The following TRAP1 variants were observed in gnomAD, a reference collection of about 807,000 sequenced individuals.
TRAP1 encodes TNF receptor associated protein 1.
In TRAP1, 102 loss-of-function variants were observed where a neutral mutation model predicts 89.1. The ratio of observed to expected loss-of-function variants is 1.15; its 90% CI spans 0.98 to 1.35. The LOEUF is 1.35. Among genes scored for constraint, TRAP1 ranks in the 40% most tolerant of loss-of-function variants. The pLI is 0.00. For synonymous variants in TRAP1, 508 were observed against 388.0 expected, an observed-to-expected ratio of 1.31 and a Z score of -3.64; for missense variants, 1,256 against 945.3, an observed-to-expected ratio of 1.33 and a Z score of -4.31.
intron 5 of TRAP1, among the ~76,000 whole-genome samples, chr16:3,679,310 G>C (rs558516619): frequency 6.6e-5 from 10 of 150,848 alleles, no homozygotes; most frequent in African/African-American, 2.4e-4. Context: ...AAAATACTCA[G>C]AAAAAAAATA....
At position 3,677,647 on chromosome 16, in the gene TRAP1, A is replaced by C. The variant is rs142209847; in HGVS notation, c.555T>G (p.Asp185Glu). 43 of 1,613,714 alleles carry C rather than the reference A, an allele frequency of 2.7e-5. No individual in the cohort carries two copies. The African/African-American group carries it at 5.5e-4, about 21-fold the overall frequency. The change falls in exon 6 of 18, where the codon GAT (aspartate) becomes GAG (glutamate). Residue 185 changes from aspartate to glutamate, a missense_variant. Transcript: ENST00000246957. ...TGGCCTCAGCCTGGTTCTGCAGAGCATCCAGGAAGGCCTGTGGGGCAGAGG... is the reference window on the plus strand; with the variant it reads ...TGGCCTCAGCCTGGTTCTGCAGAGCCTCCAGGAAGGCCTGTGGGGCAGAGG... Reference protein sequence around the residue: ...IARSGSKAFLDALQNQAEASS... With the variant: ...IARSGSKAFLEALQNQAEASS...
chr16:3,708,624 G>A (rs1006150253), intron 1 of TRAP1, among the ~76,000 whole-genome samples: 230 of 149,972 alleles, frequency 1.5e-3, no homozygotes, highest in African/African-American at 5.3e-3. Flanking sequence ...GCGACGGAGC[G>A]AGACTCCATC....
intron 3 of TRAP1, chr16:3,686,949 C>CAG (rs993607168): frequency 2.6e-5 from 4 of 152,228 alleles, no homozygotes; most frequent in African/African-American, 9.7e-5. Flanking sequence ...CCAGCCCCGA[C>CAG]AGAGAGAGAC....
rs1001287873 is a variant in TRAP1, at chr16:3,706,551, C to G, written c.88+10870G>C. ...CACAGCTCAATGTAGCCTCAAACTC[C>G]TGGGCTCGAGCAATTCTCCCACCTC... On this transcript the variant is annotated intron_variant, in intron 1 of 17. Coordinates refer to ENST00000246957, the MANE Select transcript of TRAP1 (RefSeq NM_016292.3). 3.3e-5 allele frequency among the ~76,000 whole-genome samples: 5 copies of G among 150,724 alleles called. No homozygotes were observed. In the Admixed American group the frequency reaches 3.3e-4, roughly 10 times the overall value.
intron 1 of TRAP1, among the ~76,000 whole-genome samples, chr16:3,702,007 G>A (rs1475001087): frequency 1.3e-5 from 2 of 151,988 alleles, no homozygotes; most frequent in Admixed American, 6.6e-5. Flanking sequence ...TCAGGAGTTC[G>A]AGACCAGCGT....
intron 1 of TRAP1, among the ~76,000 whole-genome samples, chr16:3,699,869 G>GT (rs2051342298): frequency 6.7e-6 from 1 of 148,822 alleles, no homozygotes; most frequent in Non-Finnish European, 1.5e-5. Flanking sequence ...GAGATAGGGT[G>GT]TTTCCATGTT....
rs183271733 is a variant in TRAP1 at position 3,671,900 on chromosome 16, T to C, written c.1166-109A>G. ...CAGGCCTGGCCTTCAACCCAGCACG[T>C]GTGCTAAGAGGGAAGCAGGGAGGCG... is the stretch of plus-strand genomic sequence containing the variant. On this transcript the variant is annotated intron_variant, in intron 10 of 17. Coordinates refer to ENST00000246957, the MANE Select transcript of TRAP1 (RefSeq NM_016292.3). 1,081 of 1,182,646 alleles carry C rather than the reference T, an allele frequency of 9.1e-4. 4 individuals are homozygous for C. The African/African-American group carries it at 0.014, about 15-fold the overall frequency. The allele number at this position is 1,182,646 out of a possible 1,614,324, so 73.3% of individuals were successfully genotyped here.
At position 3,668,917 on chromosome 16, in the gene TRAP1, G is replaced by A. The variant is rs117648659; in HGVS notation, c.1236-2799C>T. 8.6e-3 allele frequency among the ~76,000 whole-genome samples: 1,312 copies of A among 152,336 alleles called. 9 individuals are homozygous for A. Among genetic ancestry groups the A allele is most frequent in the Non-Finnish European group, 0.012 (824 of 68,030 alleles). On this transcript the variant is annotated intron_variant, in intron 11 of 17. Coordinates refer to ENST00000246957, the MANE Select transcript of TRAP1 (RefSeq NM_016292.3). Reference sequence around the variant, plus strand: ...TCAGGATGGGGAGAGGAACGCAGCCGCCTCGGCCCGCAGGGACGCCAGGAG... The same window carrying A: ...TCAGGATGGGGAGAGGAACGCAGCCACCTCGGCCCGCAGGGACGCCAGGAG...
intron 4 of TRAP1, among the ~76,000 whole-genome samples, chr16:3,685,446 G>A (rs1051937377): frequency 1.3e-5 from 2 of 151,996 alleles, no homozygotes; most frequent in Non-Finnish European, 2.9e-5. Context: ...AGATCCCACC[G>A]AGGCCAGTCT....
intron 4 of TRAP1, among the ~76,000 whole-genome samples, chr16:3,683,578 G>A (rs2051100759): frequency 6.6e-6 from 1 of 151,648 alleles, no homozygotes; most frequent in African/African-American, 2.4e-5. Context: ...TAGAGATGGG[G>A]TTTCACCGTG....
At chr16:3,675,546 G>A in intron 7 of TRAP1, 149 bp from the exon 8 acceptor site, 1 of 711,038 alleles carries the variant, frequency 1.4e-6, no homozygotes, top group Non-Finnish European at 2.4e-6. Flanking sequence ...GCACAGTGGG[G>A]ACACCTGTCC....
rs1487866029 is a variant in TRAP1, at chr16:3,673,975, C to T, written c.1044+364G>A. Among the ~76,000 whole-genome samples the T allele has an allele frequency of 2.6e-5, 4 of 152,176 alleles. No individual in the cohort carries two copies. In the East Asian group the frequency reaches 5.8e-4, roughly 22 times the overall value. ...GGCCCTCCCCAGGCACACCCCAGTC[C>T]ACAAGCCTCCACCCCAGCCTGCACT... On this transcript the variant is annotated intron_variant, in intron 9 of 17. Transcript: ENST00000246957.
intron 1 of TRAP1, among the ~76,000 whole-genome samples, chr16:3,691,551 T>C (rs1419647401): frequency 6.6e-6 from 1 of 152,100 alleles, no homozygotes; most frequent in African/African-American, 2.4e-5. Flanking sequence ...ACTTCCCACA[T>C]TCGCCTCACG....
At chr16:3,677,369 G>A (rs374939484) in intron 6 of TRAP1, 129 bp downstream of exon 6, 70 of 1,253,448 alleles carry the variant, frequency 5.6e-5, no homozygotes, top group Non-Finnish European at 7.1e-5. Flanking sequence ...CAAAATGGGA[G>A]AGTCAGATTT....
chr16:3,709,058 G>A (rs1184625139), intron 1 of TRAP1, among the ~76,000 whole-genome samples: 76 of 151,452 alleles, frequency 5.0e-4, no homozygotes, highest in East Asian at 3.1e-3. Context: ...CTCATGATCC[G>A]CCCGCCTCGG....
At chr16:3,674,131 G>C (rs1172546851) in intron 9 of TRAP1, among the ~76,000 whole-genome samples, 20 of 152,086 alleles carry the variant, frequency 1.3e-4, no homozygotes, top group Admixed American at 1.3e-3. Flanking sequence ...ATGTTGGCCA[G>C]CCTGGTCTGC....
intron 3 of TRAP1, among the ~76,000 whole-genome samples, chr16:3,688,639 T>C (rs752721689): frequency 2.6e-5 from 4 of 151,916 alleles, no homozygotes; most frequent in African/African-American, 9.7e-5. Flanking sequence ...AGTGCCCCCA[T>C]AGCTGGCTAA....
intron 1 of TRAP1, among the ~76,000 whole-genome samples, chr16:3,715,069 T>G (rs759292483): frequency 6.6e-6 from 1 of 152,172 alleles, no homozygotes; most frequent in Non-Finnish European, 1.5e-5. Flanking sequence ...TTCCATTTCT[T>G]AGACTCAGGC....
chr16:3,691,389 TA>T (rs1180791373), intron 1 of TRAP1, among the ~76,000 whole-genome samples: 6 of 152,068 alleles, frequency 3.9e-5, no homozygotes, highest in Non-Finnish European at 5.9e-5. Flanking sequence ...CATAATTTTT[TA>T]AAAAATTTTT....
Sources: gnomAD v4.1 joint callset for allele counts (sites outside exome capture counted in the v4.1 genomes callset) on GRCh38, gnomAD v4.1.1 for gene constraint, MANE v1.5 for transcripts, NCBI Gene and HGNC (gene_info 2026-07-23, HGNC 2026-07-21) for gene names.